LY96: variants seen among roughly 807,000 people sequenced by gnomAD.
The protein encoded by LY96 is lymphocyte antigen 96.
In LY96, 18 loss-of-function variants were observed where a neutral mutation model predicts 18.9. The ratio of observed to expected loss-of-function variants is 0.95; its 90% CI spans 0.66 to 1.41. LY96 has a LOEUF of 1.41. Among genes scored for constraint, LY96 ranks in the 40% most tolerant of loss-of-function variants. The pLI, the probability that LY96 is intolerant of heterozygous loss-of-function variation, is 0.00. For missense variants in LY96, 175 were observed against 182.4 expected (o/e 0.96, Z 0.23); for synonymous variants, 66 against 62.6 (o/e 1.06, Z -0.26).
chr8:74,076,416 C>G, the LY96 span, among the ~76,000 whole-genome samples: 1 of 151,776 alleles, frequency 6.6e-6, no homozygotes, highest in African/African-American at 2.4e-5. Context: ...CTCCGCCTCC[C>G]GGGTTCAGGT....
At chr8:74,014,748 T>C (rs1816606232) in intron 3 of LY96, among the ~76,000 whole-genome samples, 1 of 151,872 alleles carries the variant, frequency 6.6e-6, no homozygotes, top group South Asian at 2.1e-4. Flanking sequence ...ATCTTTATGA[T>C]ATGATATTTA....
the LY96 span, among the ~76,000 whole-genome samples, chr8:74,052,065 A>G: frequency 6.6e-6 from 1 of 152,220 alleles, no homozygotes; most frequent in Admixed American, 6.5e-5. Context: ...AAAAGAAAGG[A>G]AAAATAAAAG....
downstream of LY96, among the ~76,000 whole-genome samples, chr8:74,034,024 C>A (rs1817010204): frequency 1.3e-5 from 2 of 152,002 alleles, no homozygotes; most frequent in Non-Finnish European, 2.9e-5. Flanking sequence ...TGTGAATAAT[C>A]AGGCCAAGTA....
At chr8:73,992,777 C>G (rs1816031833) in intron 1 of LY96, among the ~76,000 whole-genome samples, 2 of 151,906 alleles carry the variant, frequency 1.3e-5, no homozygotes, top group African/African-American at 4.8e-5. Flanking sequence ...TCCTACTCTA[C>G]TTGGCCCCCA....
chr8:74,065,290 C>T, the LY96 span, among the ~76,000 whole-genome samples: 18 of 152,264 alleles, frequency 1.2e-4, no homozygotes, highest in Non-Finnish European at 2.4e-4. Flanking sequence ...TTCTCAGGAC[C>T]TTTTGAGACT....
the LY96 span, among the ~76,000 whole-genome samples, chr8:74,081,046 CTT>C: frequency 0.045 from 3,866 of 85,866 alleles, 208 homozygotes; most frequent in African/African-American, 0.11. Flanking sequence ...TTCTTTCTTT[CTT>C]TTTCTTTCTT....
At chr8:74,036,767 CAAG>C in the LY96 span, among the ~76,000 whole-genome samples, 24 of 152,162 alleles carry the variant, frequency 1.6e-4, no homozygotes, top group Admixed American at 9.2e-4. Flanking sequence ...TTGCAGTAGG[CAAG>C]AAGAACCCAT....
chr8:74,080,990 CTTTCTTTCTT>C, the LY96 span, among the ~76,000 whole-genome samples: 69 of 78,956 alleles, frequency 8.7e-4, 2 homozygotes, highest in Admixed American at 5.3e-3. Context: ...CTCTCTCTTT[CTTTCTTTCTT>C]TCTTTCTTTC....
chr8:74,066,247 C>T, the LY96 span, among the ~76,000 whole-genome samples: 1 of 151,952 alleles, frequency 6.6e-6, no homozygotes, highest in Non-Finnish European at 1.5e-5. Flanking sequence ...CAGCAGAATC[C>T]CTCCAGTCTT....
chr8:74,030,737 T>A (rs1816956044), downstream of LY96, among the ~76,000 whole-genome samples: 1 of 152,188 alleles, frequency 6.6e-6, no homozygotes, highest in Non-Finnish European at 1.5e-5. Context: ...GATACCAAAG[T>A]ACAACATTCA....
At chr8:74,036,460 A>C in the LY96 span, among the ~76,000 whole-genome samples, 1 of 152,198 alleles carries the variant, frequency 6.6e-6, no homozygotes, top group Admixed American at 6.5e-5. Flanking sequence ...ACTATTATAG[A>C]AACTAAGATG....
At chr8:74,008,620 A>ACC (rs879420116) in intron 2 of LY96, among the ~76,000 whole-genome samples, 1,683 of 152,336 alleles carry the variant, frequency 0.011, 20 homozygotes, top group African/African-American at 0.029. Flanking sequence ...TGGGACTGGG[A>ACC]ATTCTAGTGC....
chr8:74,017,238 G>A (rs185461094), intron 3 of LY96, among the ~76,000 whole-genome samples: 86 of 152,284 alleles, frequency 5.6e-4, no homozygotes, highest in Non-Finnish European at 1.0e-3. Context: ...AGCGTGGCAC[G>A]AGAACTACAT....
the LY96 span, among the ~76,000 whole-genome samples, chr8:74,039,749 A>C: frequency 6.6e-6 from 1 of 152,216 alleles, no homozygotes; most frequent in African/African-American, 2.4e-5. Context: ...TAAGACTTTC[A>C]CTATTTCTTC....
chr8:74,043,074 C>T, the LY96 span, among the ~76,000 whole-genome samples: 3 of 152,222 alleles, frequency 2.0e-5, no homozygotes, highest in South Asian at 2.1e-4. Context: ...CATACCTGGC[C>T]GGTTTGTTAC....
At chr8:74,053,921 G>A in the LY96 span, among the ~76,000 whole-genome samples, 2 of 152,246 alleles carry the variant, frequency 1.3e-5, no homozygotes, top group African/African-American at 2.4e-5. Flanking sequence ...GATGTCTTCC[G>A]CCATTTTATA....
At chr8:74,080,730 G>A in the LY96 span, among the ~76,000 whole-genome samples, 1 of 152,180 alleles carries the variant, frequency 6.6e-6, no homozygotes, top group African/African-American at 2.4e-5. Flanking sequence ...TGCAAAGGAT[G>A]GAATTTCCCA....
At chr8:74,012,875 A>G (rs150057382) in intron 3 of LY96, among the ~76,000 whole-genome samples, 296 of 152,180 alleles carry the variant, frequency 1.9e-3, no homozygotes, top group African/African-American at 6.1e-3. Flanking sequence ...AATAACATAT[A>G]GTTCTATTAG....
the LY96 span, among the ~76,000 whole-genome samples, chr8:74,086,609 A>G: frequency 2.0e-5 from 3 of 152,234 alleles, no homozygotes; most frequent in Non-Finnish European, 4.4e-5. Flanking sequence ...GATGAGGTCC[A>G]AGATAATTCA....
Sources: allele counts gnomAD v4.1 joint callset (sites outside exome capture counted in the v4.1 genomes callset), GRCh38; gene constraint gnomAD v4.1.1; transcripts MANE v1.5; gene names NCBI Gene and HGNC (gene_info 2026-07-23, HGNC 2026-07-21).